The following EGLN1 variants were observed in gnomAD, a reference collection of about 807,000 sequenced individuals.
EGLN1 encodes egl-9 family hypoxia inducible factor 1.
EGLN1 carries 17 observed loss-of-function variants against 38.3 expected under a neutral mutation model. The observed-to-expected ratio is 0.44, with a 90% CI of 0.30 to 0.67. The LOEUF (loss-of-function observed/expected upper bound fraction) is 0.67. Ranked by LOEUF, EGLN1 falls within the 30% of genes least tolerant of loss-of-function variation. The pLI is 0.08. For missense variants in EGLN1, 477 were observed against 603.3 expected, an observed-to-expected ratio of 0.79 and a Z score of 2.19; for synonymous variants, 283 against 257.5, an observed-to-expected ratio of 1.10 and a Z score of -0.95.
At chr1:231,390,379 G>A (rs929874637) in intron 1 of EGLN1, among the ~76,000 whole-genome samples, 3 of 152,186 alleles carry the variant, frequency 2.0e-5, no homozygotes, top group African/African-American at 2.4e-5. Flanking sequence ...AACTCTAAGA[G>A]AGTCTACTAT....
intron 2 of EGLN1, among the ~76,000 whole-genome samples, chr1:231,373,528 AACTG>A (rs1687880747): frequency 6.6e-6 from 1 of 152,218 alleles, no homozygotes; most frequent in Admixed American, 6.5e-5. Context: ...TTTGAGGTAT[AACTG>A]ATATACAAAA....
intron 1 of EGLN1, among the ~76,000 whole-genome samples, chr1:231,386,365 T>C (rs1558384770): frequency 6.6e-6 from 1 of 152,234 alleles, no homozygotes; most frequent in Non-Finnish European, 1.5e-5. Context: ...CTAGTCTTGT[T>C]TTAAGAGCTG....
At chr1:231,407,647 A>G (rs1346914973) in intron 1 of EGLN1, among the ~76,000 whole-genome samples, 2 of 152,142 alleles carry the variant, frequency 1.3e-5, no homozygotes, top group African/African-American at 2.4e-5. Context: ...GACATAAGAT[A>G]TGCAGGCCCT....
intron 1 of EGLN1, among the ~76,000 whole-genome samples, chr1:231,390,930 G>A (rs528879136): frequency 6.6e-6 from 1 of 151,640 alleles, no homozygotes; most frequent in East Asian, 1.9e-4. Context: ...TCACCGCAAC[G>A]TCAAACTCCT....
chr1:231,420,239 G>C (rs981828734), intron 1 of EGLN1: 2 of 152,180 alleles, frequency 1.3e-5, no homozygotes, highest in Non-Finnish European at 2.9e-5. Context: ...GTTTTGTTTT[G>C]TTTTCCAGGA....
chr1:231,378,352 A>G (rs1426147800), intron 1 of EGLN1, among the ~76,000 whole-genome samples: 1 of 152,234 alleles, frequency 6.6e-6, no homozygotes, highest in Non-Finnish European at 1.5e-5. Context: ...TAGAGACACC[A>G]ACTTTAAATG....
At chr1:231,396,474 G>A (rs1031502645) in intron 1 of EGLN1, among the ~76,000 whole-genome samples, 20 of 152,092 alleles carry the variant, frequency 1.3e-4, no homozygotes, top group African/African-American at 2.9e-4. Flanking sequence ...GGATGGTCTC[G>A]ATCTTTTGGC....
chr1:231,406,128 G>C (rs1354605625), intron 1 of EGLN1, among the ~76,000 whole-genome samples: 14 of 144,234 alleles, frequency 9.7e-5, no homozygotes, highest in Non-Finnish European at 1.6e-4. Flanking sequence ...CACCACTGCA[G>C]TCCAGCCTGG....
intron 3 of EGLN1, 138 bp from the exon 4 acceptor site, chr1:231,367,774 C>G (rs1687692247): frequency 1.3e-6 from 1 of 750,060 alleles, no homozygotes; most frequent in South Asian, 1.5e-5. Context: ...AATTTAACAG[C>G]TTATTTATAC....
Position 231,421,850 on chromosome 1 carries a change from C to T in EGLN1, c.39G>A (p.Pro13=). The change falls in exon 1 of 5, where the codon CCG becomes CCA. Residue 13 remains proline, a synonymous_variant. Transcript: ENST00000366641. This position sits in a 1 kb window ranked among gnomAD's most constrained non-coding sequence, Gnocchi z 5.5. ...CGCAGTACTGCCGGTCTCGCTCGCT[C>T]GGGCTCGGCCCGCCGGGCCCGCCGC... ...NDSGGPGGPS[P]SERDRQYCEL... The T allele has an allele frequency of 1.3e-6, 2 of 1,493,866 alleles. No individual in the cohort carries two copies. Among genetic ancestry groups the T allele is most frequent in the African/African-American group, 1.5e-5 (1 of 68,900 alleles). The allele number at this position is 1,493,866 out of a possible 1,614,324, so 92.5% of individuals were successfully genotyped here. A position where few individuals can be genotyped will look rare whatever the true frequency, so the allele number is the denominator to read the frequency against.
At chr1:231,400,688 G>A (rs945218030) in intron 1 of EGLN1, among the ~76,000 whole-genome samples, 1 of 152,072 alleles carries the variant, frequency 6.6e-6, no homozygotes, top group Non-Finnish European at 1.5e-5. Context: ...CATTCCAATG[G>A]TGCATTTCTG....
intron 1 of EGLN1, among the ~76,000 whole-genome samples, chr1:231,394,307 T>C (rs1399384574): frequency 6.6e-6 from 1 of 152,168 alleles, no homozygotes; most frequent in Admixed American, 6.5e-5. Flanking sequence ...GTCAGGTTTG[T>C]TGATGTTCCT....
chr1:231,394,395 T>C lies in EGLN1; in HGVS notation c.892-20296A>G, dbSNP rs574736354. On this transcript the variant is annotated intron_variant, in intron 1 of 4. Coordinates refer to ENST00000366641, the MANE Select transcript of EGLN1 (RefSeq NM_022051.3). Reference sequence around the variant, plus strand: ...GTCCCAATTTTCCTTTTTTTTTTTTTTGAGACGGAGTCTCGCTCTGTTGCC... The same window carrying C: ...GTCCCAATTTTCCTTTTTTTTTTTTCTGAGACGGAGTCTCGCTCTGTTGCC... 3.0e-3 allele frequency among the ~76,000 whole-genome samples: 463 copies of C among 151,824 alleles called. 3 individuals carry two copies. Among genetic ancestry groups the C allele is most frequent in the African/African-American group, 0.01 (426 of 41,456 alleles).
intron 1 of EGLN1, among the ~76,000 whole-genome samples, chr1:231,387,236 T>TATGTATACACAC: frequency 2.7e-5 from 1 of 36,736 alleles, no homozygotes; most frequent in African/African-American, 4.7e-5. Context: ...TATATATGTA[T>TATGTATACACAC]ACACACACAC....
chr1:231,395,178 C>T (rs1486466404), intron 1 of EGLN1, among the ~76,000 whole-genome samples: 1 of 152,208 alleles, frequency 6.6e-6, no homozygotes, highest in Non-Finnish European at 1.5e-5. Flanking sequence ...CCCCAACATA[C>T]AACATATCTG....
At chr1:231,391,021 T>C (rs1026838665) in intron 1 of EGLN1, among the ~76,000 whole-genome samples, 1 of 94,130 alleles carries the variant, frequency 1.1e-5, no homozygotes, top group South Asian at 3.9e-4. Flanking sequence ...CTAGTGTGCG[T>C]GTAGACAGGA....
intron 1 of EGLN1, among the ~76,000 whole-genome samples, chr1:231,403,756 A>G (rs949818491): frequency 7.1e-6 from 1 of 140,152 alleles, no homozygotes; most frequent in African/African-American, 2.8e-5. Flanking sequence ...CAACAGAGCC[A>G]GACTCCATCT....
chr1:231,371,658 G>A (rs935184464), intron 2 of EGLN1, among the ~76,000 whole-genome samples: 7 of 152,112 alleles, frequency 4.6e-5, no homozygotes, highest in Non-Finnish European at 5.9e-5. Flanking sequence ...GCATCAAATC[G>A]CACTGGGAAC....
chr1:231,405,062 A>C (rs1688751936), intron 1 of EGLN1, among the ~76,000 whole-genome samples: 1 of 152,228 alleles, frequency 6.6e-6, no homozygotes, highest in South Asian at 2.1e-4. Flanking sequence ...ATTGAATCTG[A>C]ACTTCTGATG....
Sources: allele counts gnomAD v4.1 joint callset (sites outside exome capture counted in the v4.1 genomes callset), GRCh38; gene constraint gnomAD v4.1.1; non-coding constraint Gnocchi (gnomAD v3.1); transcripts MANE v1.5; gene names NCBI Gene and HGNC (gene_info 2026-07-23, HGNC 2026-07-21).